Variants in PLEKHA6 observed in about 807,000 individuals in gnomAD.
PLEKHA6 encodes pleckstrin homology domain containing A6, also known as pleckstrin homology domain-containing family A member 6.
A neutral mutation model predicts 116.7 loss-of-function variants in PLEKHA6; 60 were observed. The observed-to-expected ratio is 0.51, with a 90% CI of 0.42 to 0.64. The LOEUF (loss-of-function observed/expected upper bound fraction) is 0.64, where lower values mean the gene tolerates loss of function less well. PLEKHA6 is among the 30% of genes least tolerant of loss of function. The probability of loss-of-function intolerance (pLI) is 0.00; values close to 1 mark genes in which losing one functional copy is unlikely to be tolerated. For synonymous variants in PLEKHA6, 489 were observed against 556.1 expected (o/e 0.88, Z 1.70); for missense variants, 1,338 against 1,422.7 (o/e 0.94, Z 0.96).
At chr1:204,266,228 C>T (rs1377656210) in intron 5 of PLEKHA6, among the ~76,000 whole-genome samples, 2 of 152,146 alleles carry the variant, frequency 1.3e-5, no homozygotes, top group Non-Finnish European at 2.9e-5. Flanking sequence ...GGGTTGGACC[C>T]CAGGGCTGCC....
intron 1 of PLEKHA6, among the ~76,000 whole-genome samples, chr1:204,356,110 A>T (rs746030451): frequency 6.6e-6 from 1 of 152,214 alleles, no homozygotes; most frequent in Non-Finnish European, 1.5e-5. Flanking sequence ...CTAGAAATGC[A>T]ACCTAAGGGA....
At chr1:204,332,658 G>A (rs904054036) in intron 1 of PLEKHA6, among the ~76,000 whole-genome samples, 1 of 152,198 alleles carries the variant, frequency 6.6e-6, no homozygotes, top group African/African-American at 2.4e-5. Context: ...GGGATTACAG[G>A]CGTGAGCCAC....
At chr1:204,287,620 A>G (rs1364735814) in intron 1 of PLEKHA6, among the ~76,000 whole-genome samples, 2 of 151,854 alleles carry the variant, frequency 1.3e-5, no homozygotes, top group African/African-American at 4.8e-5. Flanking sequence ...ACCACACCTG[A>G]CTCTGCTAAG....
rs1463959257 is a variant in PLEKHA6, at chr1:204,251,588, G to C, written c.1525-974C>G. 4.3e-6 allele frequency: 3 copies of C among 702,940 alleles called. No homozygotes were observed. In the East Asian group the frequency reaches 8.0e-5, roughly 19 times the overall value. The allele number at this position is 702,940 out of a possible 1,614,324, so 43.5% of individuals were successfully genotyped here. A position where few individuals can be genotyped will look rare whatever the true frequency, so the allele number is the denominator to read the frequency against. On this transcript the variant is annotated intron_variant, in intron 9 of 22. Coordinates refer to ENST00000272203, the MANE Select transcript of PLEKHA6 (RefSeq NM_014935.5). ...TTTCCACCATGCGGTTCACCATACTGATGAGAGTCTCGCTCTCACTCATCT... is the reference window on the plus strand; with the variant it reads ...TTTCCACCATGCGGTTCACCATACTCATGAGAGTCTCGCTCTCACTCATCT...
chr1:204,279,624 G>A (rs188310884), intron 1 of PLEKHA6, among the ~76,000 whole-genome samples: 14 of 152,272 alleles, frequency 9.2e-5, no homozygotes, highest in Non-Finnish European at 1.5e-4. Context: ...AAGTGGTAAA[G>A]GAGATTGTGC....
In PLEKHA6 at chr1:204,250,547, T is replaced by C. The variant is rs1664406289; in HGVS notation, c.1592A>G (p.Asp531Gly). 1.2e-6 allele frequency: 2 copies of C among 1,610,992 alleles called. No individual in the cohort carries two copies. Among genetic ancestry groups the C allele is most frequent in the Non-Finnish European group, 1.7e-6 (2 of 1,177,836 alleles). The change falls in exon 10 of 23, where the codon GAT becomes GGT. Residue 531 changes from aspartate (D) to glycine (G), a missense_variant and splice_region_variant. This residue lies in a region of PLEKHA6 where 1,136 missense variants were observed against 1,163.6 expected (regional missense o/e 0.98). Transcript: ENST00000272203. ...HTYKLNEQDT[D>G]KLLGKLCEQN... is the part of the protein sequence containing the mutation. The stretch of plus-strand genomic sequence containing the variant: ...GGGAGCAGGGGGCGCTGCTCTTACA[T>C]CTGTGTCTTGCTCGTTTAACTTGTA...
chr1:204,245,083 G>A, intron 14 of PLEKHA6, 80 bp from the exon 15 acceptor site: 2 of 1,015,120 alleles, frequency 2.0e-6, no homozygotes, highest in Non-Finnish European at 2.7e-6. Context: ...GAGTGGAGGT[G>A]GCAGGGAGAA....
chr1:204,357,376 G>A (rs1046403856), intron 1 of PLEKHA6, among the ~76,000 whole-genome samples: 2 of 152,202 alleles, frequency 1.3e-5, no homozygotes, highest in African/African-American at 4.8e-5. Context: ...CCCCTGAACA[G>A]ACAGATGGTC....
chr1:204,317,771 G>A (rs939861217), intron 1 of PLEKHA6, among the ~76,000 whole-genome samples: 70 of 152,282 alleles, frequency 4.6e-4, no homozygotes, highest in African/African-American at 1.5e-3. Context: ...AGTGTATACT[G>A]CACTTGGTAA....
At chr1:204,309,874 G>T in intron 1 of PLEKHA6, 1 of 167,422 alleles carries the variant, frequency 6.0e-6, no homozygotes, top group Non-Finnish European at 1.2e-5. Flanking sequence ...TACACTCAAT[G>T]CTACCATCAT....
At chr1:204,349,772 G>A (rs987458107) in intron 1 of PLEKHA6, among the ~76,000 whole-genome samples, 3 of 152,238 alleles carry the variant, frequency 2.0e-5, no homozygotes, top group African/African-American at 7.2e-5. Context: ...GCACCTGGAA[G>A]GTGAGAGCAG....
rs369419605 is a variant in PLEKHA6, at chr1:204,227,845, G to T, written c.3031+238C>A. Among the ~76,000 whole-genome samples, 221 of 152,298 alleles carry T rather than the reference G, an allele frequency of 1.5e-3. 6 individuals carry two copies. The South Asian group carries it at 0.045, about 31-fold the overall frequency. ...CCTCTGGCCATTACTCCCTAAGGTG[G>T]CTGTAAGGATCATCCCGGCTCTGAG... On this transcript the variant is annotated intron_variant, in intron 21 of 22. Coordinates refer to ENST00000272203, the MANE Select transcript of PLEKHA6 (RefSeq NM_014935.5).
At chr1:204,273,407 G>A (rs1475389556) in intron 3 of PLEKHA6, among the ~76,000 whole-genome samples, 1 of 152,186 alleles carries the variant, frequency 6.6e-6, no homozygotes, top group African/African-American at 2.4e-5. Flanking sequence ...CAATGCTGAG[G>A]TTGAGAACCC....
At chr1:204,248,721 T>G (rs1001824639) in intron 12 of PLEKHA6, 100 bp downstream of exon 12, 5 of 1,121,252 alleles carry the variant, frequency 4.5e-6, no homozygotes, top group African/African-American at 1.5e-5. Context: ...GCTCTTGTCC[T>G]CTGAGGAAAA....
At chr1:204,263,965 AG>A (rs1666473781) in intron 6 of PLEKHA6, among the ~76,000 whole-genome samples, 1 of 152,110 alleles carries the variant, frequency 6.6e-6, no homozygotes, top group African/African-American at 2.4e-5. Flanking sequence ...CATGCTGCCC[AG>A]CTCTCTTCTG....
At chr1:204,270,871 C>T (rs1226905308) in intron 3 of PLEKHA6, among the ~76,000 whole-genome samples, 1 of 152,236 alleles carries the variant, frequency 6.6e-6, no homozygotes, top group Non-Finnish European at 1.5e-5. Flanking sequence ...TCTCTCCATC[C>T]TCCCGTGCCT....
intron 1 of PLEKHA6, among the ~76,000 whole-genome samples, chr1:204,288,697 C>G (rs1203119067): frequency 1.3e-5 from 2 of 152,152 alleles, no homozygotes; most frequent in East Asian, 1.9e-4. Context: ...ATTCTTGAAG[C>G]TTTCTAAGCA....
In PLEKHA6 at chr1:204,310,862, G is replaced by T. The variant is rs569525624; in HGVS notation, c.-94-36053C>A. 2.6e-5 allele frequency among the ~76,000 whole-genome samples: 4 copies of T among 152,284 alleles called. No individual in the cohort carries two copies. The South Asian group carries it at 8.3e-4, about 32-fold the overall frequency. On this transcript the variant is annotated intron_variant, in intron 1 of 22. Coordinates refer to ENST00000272203, the MANE Select transcript of PLEKHA6 (RefSeq NM_014935.5). Reference sequence around the variant, plus strand: ...AAAAATCATAGTAAAGGACATTTAGGGAGAGAAAAGAGGCTCTGCTTTGGA... The same window carrying T: ...AAAAATCATAGTAAAGGACATTTAGTGAGAGAAAAGAGGCTCTGCTTTGGA...
In PLEKHA6 at chr1:204,311,713, G is replaced by A. The variant is rs1434090145; in HGVS notation, c.-94-36904C>T. 5.4e-6 allele frequency: 5 copies of A among 924,108 alleles called. No homozygotes were observed. The East Asian group carries it at 5.8e-4, about 108-fold the overall frequency. The allele number at this position is 924,108 out of a possible 1,614,324, so 57.2% of individuals were successfully genotyped here. ...CTTTGCTCAAAAATATTTATTGAAT[G>A]AAATTGAATATAATTCCTTTTCCTA... On this transcript the variant is annotated intron_variant, in intron 1 of 22. Transcript: ENST00000272203.
Sources: gnomAD v4.1 joint callset for allele counts (sites outside exome capture counted in the v4.1 genomes callset) on GRCh38, gnomAD v4.1.1 for gene constraint, gnomAD v4.1.1 regional missense constraint, MANE v1.5 for transcripts, NCBI Gene and HGNC (gene_info 2026-07-23, HGNC 2026-07-21) for gene names.